IMPG1: variants seen among roughly 807,000 people sequenced by gnomAD.
The protein encoded by IMPG1 is interphotoreceptor matrix proteoglycan of 150 kDa.
Under a neutral mutation model 92.0 loss-of-function variants are expected in IMPG1, and 85 were observed. The observed-to-expected ratio is 0.92, with a 90% confidence interval of 0.78 to 1.11. The LOEUF (loss-of-function observed/expected upper bound fraction) is 1.11, where lower values mean the gene tolerates loss of function less well. IMPG1 is among the 50% of genes least tolerant of loss of function. IMPG1 has a pLI of 0.00. For missense variants in IMPG1, 1,022 were observed against 956.0 expected (o/e 1.07, Z -0.91); for synonymous variants, 367 against 334.1 (o/e 1.10, Z -1.08).
At chr6:75,956,510 G>T (rs117218530) in intron 12 of IMPG1, among the ~76,000 whole-genome samples, 11,422 of 152,040 alleles carry the variant, frequency 0.075, 484 homozygotes, top group South Asian at 0.11. Context: ...AGTCTGGTTA[G>T]CGGTCTATTT....
chr6:75,962,865 A>G (rs1782232151), intron 12 of IMPG1, among the ~76,000 whole-genome samples: 2 of 151,990 alleles, frequency 1.3e-5, no homozygotes. Context: ...ACATGGTGAA[A>G]CCCCAACTCT....
intron 12 of IMPG1, among the ~76,000 whole-genome samples, chr6:75,999,105 C>T (rs1782944964): frequency 1.3e-5 from 2 of 152,156 alleles, no homozygotes; most frequent in South Asian, 4.1e-4. Flanking sequence ...GATCTGCCTG[C>T]CTCGGCCTCC....
chr6:75,931,752 T>G (rs916500945), intron 14 of IMPG1, among the ~76,000 whole-genome samples: 1 of 152,224 alleles, frequency 6.6e-6, no homozygotes, highest in African/African-American at 2.4e-5. Context: ...CCTATTAACA[T>G]TTAGACTCAC....
intron 12 of IMPG1, among the ~76,000 whole-genome samples, chr6:75,958,335 A>G (rs1782162426): frequency 6.6e-6 from 1 of 151,614 alleles, no homozygotes; most frequent in African/African-American, 2.4e-5. Context: ...CTTCATTTCA[A>G]CTTTGGTGAA....
intron 11 of IMPG1, among the ~76,000 whole-genome samples, chr6:76,003,637 A>T (rs1182542329): frequency 6.6e-6 from 1 of 152,218 alleles, no homozygotes; most frequent in African/African-American, 2.4e-5. Context: ...ACAAAAATCT[A>T]ACTAAATTGA....
intron 14 of IMPG1, among the ~76,000 whole-genome samples, chr6:75,933,868 C>T (rs1781699751): frequency 6.6e-6 from 1 of 152,232 alleles, no homozygotes; most frequent in Admixed American, 6.5e-5. Context: ...ATAATATTCA[C>T]AGCACCTCTC....
intron 12 of IMPG1, among the ~76,000 whole-genome samples, chr6:75,997,322 T>A (rs1461339385): frequency 6.6e-6 from 1 of 152,244 alleles, no homozygotes; most frequent in Non-Finnish European, 1.5e-5. Flanking sequence ...TAAACTCAGT[T>A]CGGCTGAGTT....
chr6:76,017,816 G>A (rs966027379), intron 7 of IMPG1, among the ~76,000 whole-genome samples: 13 of 152,054 alleles, frequency 8.5e-5, no homozygotes, highest in African/African-American at 2.7e-4. Flanking sequence ...GAAGTGGCAC[G>A]ATCTTGGCTC....
intron 1 of IMPG1, among the ~76,000 whole-genome samples, chr6:76,057,673 G>T (rs1784142648): frequency 1.3e-5 from 2 of 152,074 alleles, no homozygotes; most frequent in Non-Finnish European, 2.9e-5. Flanking sequence ...ACTCCATCTG[G>T]GTTATTACTC....
intron 12 of IMPG1, among the ~76,000 whole-genome samples, chr6:75,994,477 T>C (rs1782864789): frequency 6.6e-6 from 1 of 152,204 alleles, no homozygotes; most frequent in Non-Finnish European, 1.5e-5. Flanking sequence ...ATACTGCTCA[T>C]AAAGACATAT....
intron 7 of IMPG1, among the ~76,000 whole-genome samples, chr6:76,016,087 G>C (rs1170207045): frequency 6.6e-6 from 1 of 152,102 alleles, no homozygotes; most frequent in Non-Finnish European, 1.5e-5. Context: ...AATTAAATGA[G>C]TTAGTACATA....
chr6:76,071,612 A>T (rs1784404232), intron 1 of IMPG1, among the ~76,000 whole-genome samples: 1 of 151,972 alleles, frequency 6.6e-6, no homozygotes, highest in Admixed American at 6.6e-5. Flanking sequence ...TTTTTCATGG[A>T]TATTCCAAAC....
chr6:76,024,655 TA>T (rs35974791), intron 5 of IMPG1, among the ~76,000 whole-genome samples: 26,503 of 152,172 alleles, frequency 0.17, 3,060 homozygotes, highest in Non-Finnish European at 0.25. Context: ...GTGTTTGACT[TA>T]GTAATCTATT....
intron 5 of IMPG1, among the ~76,000 whole-genome samples, chr6:76,023,694 A>C (rs1214935555): frequency 6.6e-6 from 1 of 152,172 alleles, no homozygotes; most frequent in Non-Finnish European, 1.5e-5. Context: ...TATGGTGATG[A>C]TATATCATAT....
rs1341669752 is a variant in IMPG1 at position 76,018,180 on chromosome 6, T to C, written c.807+538A>G. ...AATCCCATATATACTACATTTTTTT[T>C]CCATACACACATACCTATGATAAAG... On this transcript the variant is annotated intron_variant, in intron 7 of 16. Transcript: ENST00000369950. Among the ~76,000 whole-genome samples the C allele has an allele frequency of 2.6e-5, 4 of 152,282 alleles. No homozygotes were observed. In the South Asian group the frequency reaches 6.2e-4, roughly 24 times the overall value.
intron 12 of IMPG1, among the ~76,000 whole-genome samples, chr6:75,969,880 C>A (rs1782375871): frequency 6.6e-6 from 1 of 152,132 alleles, no homozygotes. Context: ...CACTATCTTT[C>A]TATTATTAAT....
At chr6:76,034,451 T>C (rs1783700815) in intron 3 of IMPG1, 108 bp from the exon 4 acceptor site, 1 of 1,225,126 alleles carries the variant, frequency 8.2e-7, no homozygotes, top group East Asian at 2.4e-5. Context: ...TCAACCTGAC[T>C]GTACCATATT....
chr6:76,060,935 G>A (rs1784195194), intron 1 of IMPG1, among the ~76,000 whole-genome samples: 1 of 152,062 alleles, frequency 6.6e-6, no homozygotes, highest in African/African-American at 2.4e-5. Context: ...AAACTTTCTT[G>A]CTTCAGATGA....
chr6:75,995,017 A>G (rs1782872726), intron 12 of IMPG1, among the ~76,000 whole-genome samples: 1 of 152,194 alleles, frequency 6.6e-6, no homozygotes, highest in African/African-American at 2.4e-5. Context: ...CTGGTACAGA[A>G]ACTGCAGACA....
Sources: allele counts gnomAD v4.1 joint callset (sites outside exome capture counted in the v4.1 genomes callset), GRCh38; gene constraint gnomAD v4.1.1; transcripts MANE v1.5; gene names NCBI Gene and HGNC (gene_info 2026-07-23, HGNC 2026-07-21).